CAPRIN2: variants seen among roughly 807,000 people sequenced by gnomAD.
CAPRIN2 encodes the protein caprin-2.
Under a neutral mutation model 130.4 loss-of-function variants are expected in CAPRIN2, and 66 were observed. The observed-to-expected ratio is 0.51, with a 90% confidence interval of 0.42 to 0.62. The LOEUF (loss-of-function observed/expected upper bound fraction) is 0.62. CAPRIN2 is among the 20% of genes least tolerant of loss of function. The pLI, the probability that CAPRIN2 is intolerant of heterozygous loss-of-function variation, is 0.00. For missense variants in CAPRIN2, 1,185 were observed against 1,246.6 expected (o/e 0.95, Z 0.74); for synonymous variants, 471 against 444.1 (o/e 1.06, Z -0.76).
At position 30,750,787 on chromosome 12, in the gene CAPRIN2, T is replaced by G. The variant is rs117268450; in HGVS notation, c.483+284A>C. Among the ~76,000 whole-genome samples the G allele has an allele frequency of 7.2e-5, 11 of 152,340 alleles. No individual in the cohort carries two copies. In the East Asian group the frequency reaches 1.3e-3, roughly 19 times the overall value. ...TTCTCCTTCAGTCCACTCTGGCACATAAGTTTAACTTAAATCTGTATGTTA... is the reference window on the plus strand; with the variant it reads ...TTCTCCTTCAGTCCACTCTGGCACAGAAGTTTAACTTAAATCTGTATGTTA... On this transcript the variant is annotated intron_variant, in intron 2 of 16. Coordinates refer to ENST00000298892, the Ensembl canonical transcript of CAPRIN2.
intron 5 of CAPRIN2, among the ~76,000 whole-genome samples, chr12:30,733,142 C>T (rs2063315499): frequency 6.6e-6 from 1 of 152,032 alleles, no homozygotes; most frequent in Admixed American, 6.6e-5. Context: ...TGTATTTGGT[C>T]ATTTGGCCAA....
chr12:30,734,869 C>T, intron 4 of CAPRIN2, 99 bp downstream of exon 5: 1 of 757,642 alleles, frequency 1.3e-6, no homozygotes. Flanking sequence ...CACACACACA[C>T]ACACACACAC....
chr12:30,748,758 C>T (rs1221825412), intron 2 of CAPRIN2, among the ~76,000 whole-genome samples: 1 of 152,046 alleles, frequency 6.6e-6, no homozygotes, highest in African/African-American at 2.4e-5. Context: ...CCACCAACTA[C>T]GTGCTTAGTT....
chr12:30,714,230 G>A (rs572227661), intron 14 of CAPRIN2, among the ~76,000 whole-genome samples: 1 of 152,294 alleles, frequency 6.6e-6, no homozygotes, highest in Admixed American at 6.5e-5. Context: ...TACTCAGGCT[G>A]GAGCACAGTA....
At chr12:30,718,203 T>C (rs1326726323) in intron 12 of CAPRIN2, among the ~76,000 whole-genome samples, 1 of 152,190 alleles carries the variant, frequency 6.6e-6, no homozygotes, top group Non-Finnish European at 1.5e-5. Context: ...TGCTTTTAAT[T>C]AGACAAAAGA....
At chr12:30,742,310 G>T (rs2067863331) in intron 2 of CAPRIN2, among the ~76,000 whole-genome samples, 1 of 152,064 alleles carries the variant, frequency 6.6e-6, no homozygotes, top group African/African-American at 2.4e-5. Flanking sequence ...GAACTCCTAT[G>T]TAATAATAAC....
chr12:30,711,691 C>T (rs1565532998), intron 15 of CAPRIN2, 62 bp from the exon 18 acceptor site: 1 of 1,334,106 alleles, frequency 7.5e-7, no homozygotes, highest in East Asian at 2.3e-5. Context: ...TTGGTTATTA[C>T]ACAGGACTAC....
intron 8 of CAPRIN2, among the ~76,000 whole-genome samples, chr12:30,726,878 G>A (rs1159778246): frequency 1.3e-5 from 2 of 152,062 alleles, no homozygotes; most frequent in Admixed American, 1.3e-4. Flanking sequence ...ACTCTATTCT[G>A]CACTTGACTG....
chr12:30,723,370 T>C (rs1346382737), intron 10 of CAPRIN2, 56 bp from the exon 12 acceptor site: 2 of 1,248,450 alleles, frequency 1.6e-6, no homozygotes, highest in Non-Finnish European at 2.3e-6. Context: ...CTTACGCATA[T>C]CAACTAGGAG....
chr12:30,744,824 G>C (rs1449366247), intron 2 of CAPRIN2, among the ~76,000 whole-genome samples: 1 of 152,102 alleles, frequency 6.6e-6, no homozygotes, highest in East Asian at 1.9e-4. Context: ...GCACCTCCTA[G>C]AGTAGATACT....
chr12:30,738,942 C>T (rs2066074617), intron 3 of CAPRIN2, among the ~76,000 whole-genome samples: 1 of 152,164 alleles, frequency 6.6e-6, no homozygotes, highest in Non-Finnish European at 1.5e-5. Context: ...GGAATGCTTA[C>T]ACACTGTTGA....
upstream of CAPRIN2, chr12:30,754,929 C>CA (rs1358181565): frequency 6.6e-6 from 1 of 152,522 alleles, no homozygotes; most frequent in Non-Finnish European, 1.5e-5. Flanking sequence ...AGAGACCCAG[C>CA]CGACTCAGCC....
chr12:30,720,124 T>C lies in CAPRIN2; in HGVS notation c.2148+687A>G, dbSNP rs555378928. 8 of 148,970 alleles carry C rather than the reference T, an allele frequency of 5.4e-5. No individual in the cohort carries two copies. In the East Asian group the frequency reaches 1.5e-3, roughly 29 times the overall value. The allele number at this position is 148,970 out of a possible 1,614,324, so 9.2% of individuals were successfully genotyped here. ...TATTTTTTTTGAGATGAAGTATCAC[T>C]TTGTCACCCAGGCTGAAGTGCAGTG... On this transcript the variant is annotated intron_variant, in intron 12 of 16. Transcript: ENST00000298892.
chr12:30,734,896 TCA>T, intron 4 of CAPRIN2, 70 bp downstream of exon 5: 2 of 907,224 alleles, frequency 2.2e-6, no homozygotes, highest in Admixed American at 1.7e-5. Flanking sequence ...ACTCTCTCTC[TCA>T]CATACACACA....
chr12:30,753,768 C>G (rs1486413973), exon 1 of CAPRIN2: 3 of 1,596,800 alleles, frequency 1.9e-6, no homozygotes, highest in Non-Finnish European at 2.6e-6. Context: ...TTCCATCCTA[C>G]TTTTAAAGTA....
At chr12:30,735,163 A>G (rs759455616) in exon 4 of CAPRIN2, 1 of 1,614,190 alleles carries the variant, frequency 6.2e-7, no homozygotes, top group South Asian at 1.1e-5. Flanking sequence ...CTCAAGTTTT[A>G]GCATGTGCTC....
chr12:30,732,283 A>G (rs903066697), intron 5 of CAPRIN2, among the ~76,000 whole-genome samples: 1 of 152,048 alleles, frequency 6.6e-6, no homozygotes, highest in Non-Finnish European at 1.5e-5. Context: ...TCCCAAACTT[A>G]GCAGAGTTTC....
At chr12:30,745,629 A>T (rs905337257) in intron 2 of CAPRIN2, among the ~76,000 whole-genome samples, 11 of 152,206 alleles carry the variant, frequency 7.2e-5, no homozygotes, top group Non-Finnish European at 1.5e-4. Context: ...ATCAAATCAA[A>T]TACAACTGAA....
chr12:30,724,738 C>A (rs940537544), intron 9 of CAPRIN2, among the ~76,000 whole-genome samples: 1 of 152,070 alleles, frequency 6.6e-6, no homozygotes, highest in Non-Finnish European at 1.5e-5. Context: ...CACCTGTAAC[C>A]CCAGCACTCT....
Sources: gnomAD v4.1 joint callset for allele counts (sites outside exome capture counted in the v4.1 genomes callset) on GRCh38, gnomAD v4.1.1 for gene constraint, MANE v1.5 for transcripts, NCBI Gene and HGNC (gene_info 2026-07-23, HGNC 2026-07-21) for gene names.